Variants in CNTNAP5 observed in about 807,000 individuals in gnomAD.
The protein encoded by CNTNAP5 is contactin associated protein family member 5.
In CNTNAP5, 72 loss-of-function variants were observed where a neutral mutation model predicts 150.2. That is an observed-to-expected ratio of 0.48 (90% CI 0.40 to 0.58). The LOEUF (loss-of-function observed/expected upper bound fraction) is 0.58, where lower values mean the gene tolerates loss of function less well. CNTNAP5 is among the 20% of genes least tolerant of loss of function. The pLI is 0.00. For synonymous variants in CNTNAP5, 672 were observed against 619.8 expected (o/e 1.08, Z -1.25); for missense variants, 1,636 against 1,626.2 (o/e 1.01, Z -0.10).
At chr2:124,147,004 A>C (rs1167617890) in intron 1 of CNTNAP5, among the ~76,000 whole-genome samples, 1 of 152,160 alleles carries the variant, frequency 6.6e-6, no homozygotes, top group African/African-American at 2.4e-5. Context: ...AACAATAAAC[A>C]TACAAAGTAC....
At chr2:124,241,570 A>C (rs528050268) in intron 2 of CNTNAP5, among the ~76,000 whole-genome samples, 5 of 152,168 alleles carry the variant, frequency 3.3e-5, no homozygotes, top group African/African-American at 9.6e-5. Context: ...CTTTCACATC[A>C]CATGTTTTTG....
rs1694344260 is a variant in CNTNAP5, at chr2:124,504,206, G to A, written c.1063-86G>A. The A allele has an allele frequency of 2.2e-6, 3 of 1,334,788 alleles. No individual in the cohort carries two copies. In the South Asian group the frequency reaches 4.0e-5, roughly 18 times the overall value. The allele number at this position is 1,334,788 out of a possible 1,614,324, so 82.7% of individuals were successfully genotyped here. On this transcript the variant is annotated intron_variant, in intron 7 of 23. Transcript: ENST00000682447. ...AATGTGGAATGATCCTGAAATTAAG[G>A]TCAGCTCCAGGTGGTTGTTTATATC...
chr2:124,082,322 C>T (rs1359897971), intron 1 of CNTNAP5, among the ~76,000 whole-genome samples: 1 of 134,276 alleles, frequency 7.4e-6, no homozygotes, highest in African/African-American at 2.8e-5. Flanking sequence ...GCACTCTAGC[C>T]TGGGCAACAG....
At chr2:124,410,513 G>A (rs1289700840) in intron 3 of CNTNAP5, among the ~76,000 whole-genome samples, 1 of 142,786 alleles carries the variant, frequency 7.0e-6, no homozygotes, top group Admixed American at 7.1e-5. Context: ...AAAGAACAGA[G>A]ATTATAACAA....
chr2:124,721,944 T>C (rs920654527), intron 13 of CNTNAP5, among the ~76,000 whole-genome samples: 1 of 152,088 alleles, frequency 6.6e-6, no homozygotes, highest in African/African-American at 2.4e-5. Context: ...GCCTTCCTGC[T>C]GAGCCCTCAC....
chr2:124,604,506 C>T (rs776720433), intron 11 of CNTNAP5, among the ~76,000 whole-genome samples: 6 of 152,144 alleles, frequency 3.9e-5, no homozygotes, highest in Admixed American at 6.5e-5. Flanking sequence ...TTCAGCATTT[C>T]GAAACTGATG....
chr2:124,117,352 C>A (rs1370018706), intron 1 of CNTNAP5, among the ~76,000 whole-genome samples: 1 of 152,146 alleles, frequency 6.6e-6, no homozygotes, highest in Non-Finnish European at 1.5e-5. Context: ...TCTCACTTAG[C>A]ACAATACAAA....
At chr2:124,572,416 G>A (rs1291538083) in intron 11 of CNTNAP5, among the ~76,000 whole-genome samples, 1 of 152,054 alleles carries the variant, frequency 6.6e-6, no homozygotes, top group East Asian at 1.9e-4. Flanking sequence ...CCCATGACAC[G>A]TGTTTACCTA....
In CNTNAP5 at chr2:124,918,791, A is replaced by C. The variant is rs1678818557; in HGVS notation, c.*4503A>C. The stretch of plus-strand genomic sequence containing the variant: ...TTATCCTACAGGTCATGTATCGACT[A>C]AATAAATAAACTGACTTCATTGTTT... On this transcript the variant is annotated 3_prime_UTR_variant, in exon 24 of 24. Transcript: ENST00000682447. Among the ~76,000 whole-genome samples the C allele has an allele frequency of 2.6e-5, 4 of 152,244 alleles. No individual in the cohort carries two copies. In the South Asian group the frequency reaches 8.3e-4, roughly 32 times the overall value.
At chr2:124,713,753 G>A in intron 13 of CNTNAP5, among the ~76,000 whole-genome samples, 1 of 152,000 alleles carries the variant, frequency 6.6e-6, no homozygotes, top group Admixed American at 6.6e-5. Context: ...CTACCAGAAG[G>A]TCCATTCCAA....
chr2:124,540,326 G>A (rs1242407408), intron 10 of CNTNAP5, among the ~76,000 whole-genome samples: 7 of 152,138 alleles, frequency 4.6e-5, no homozygotes, highest in Non-Finnish European at 8.8e-5. Context: ...ATTGAGAATT[G>A]TAAAACCCTA....
intron 13 of CNTNAP5, among the ~76,000 whole-genome samples, chr2:124,746,018 A>G (rs1680595869): frequency 6.6e-6 from 1 of 152,212 alleles, no homozygotes; most frequent in Admixed American, 6.5e-5. Flanking sequence ...TGTAAACTAG[A>G]ATCTTGATTA....
rs567469342 is a variant in CNTNAP5, at chr2:124,150,057, C to G, written c.83-71648C>G. 3.3e-5 allele frequency among the ~76,000 whole-genome samples: 5 copies of G among 152,260 alleles called. No individual in the cohort carries two copies. In the South Asian group the frequency reaches 1.0e-3, roughly 32 times the overall value. Reference sequence around the variant, plus strand: ...GGAACAATGGTGAAGTGGGAAAGCCCTTAATTCTGTACTCTTTAAAAACTA... The same window carrying G: ...GGAACAATGGTGAAGTGGGAAAGCCGTTAATTCTGTACTCTTTAAAAACTA... On this transcript the variant is annotated intron_variant, in intron 1 of 23. Transcript: ENST00000682447.
intron 1 of CNTNAP5, among the ~76,000 whole-genome samples, chr2:124,219,676 A>G (rs1371270522): frequency 6.6e-6 from 1 of 152,182 alleles, no homozygotes; most frequent in Admixed American, 6.6e-5. Context: ...ATGACAAAAC[A>G]GGCATACGTA....
intron 21 of CNTNAP5, among the ~76,000 whole-genome samples, chr2:124,884,548 C>G (rs1287512095): frequency 1.3e-5 from 2 of 151,994 alleles, no homozygotes; most frequent in Non-Finnish European, 2.9e-5. Flanking sequence ...TGCCTTGGAG[C>G]CACCCTGAAG....
intron 12 of CNTNAP5, among the ~76,000 whole-genome samples, chr2:124,646,986 A>G (rs192676443): frequency 6.6e-6 from 1 of 152,074 alleles, no homozygotes; most frequent in African/African-American, 2.4e-5. Context: ...AAAAATAAAA[A>G]TTTTTTTAAT....
At chr2:124,412,558 C>A (rs1691799715) in intron 3 of CNTNAP5, among the ~76,000 whole-genome samples, 1 of 151,510 alleles carries the variant, frequency 6.6e-6, no homozygotes, top group Non-Finnish European at 1.5e-5. Context: ...CAGAGCAGAG[C>A]CCTCAGAAAT....
At chr2:124,784,045 C>T (rs1277005136) in intron 17 of CNTNAP5, among the ~76,000 whole-genome samples, 1 of 152,108 alleles carries the variant, frequency 6.6e-6, no homozygotes, top group Non-Finnish European at 1.5e-5. Context: ...AACCTTCTGC[C>T]ACTTTAGTCA....
At chr2:124,429,220 G>C (rs538905980) in intron 4 of CNTNAP5, among the ~76,000 whole-genome samples, 1 of 152,210 alleles carries the variant, frequency 6.6e-6, no homozygotes, top group East Asian at 1.9e-4. Flanking sequence ...TGGGAGTGCT[G>C]AGTATTCTTC....
Sources: gnomAD v4.1 joint callset for allele counts (sites outside exome capture counted in the v4.1 genomes callset) on GRCh38, gnomAD v4.1.1 for gene constraint, MANE v1.5 for transcripts, NCBI Gene and HGNC (gene_info 2026-07-23, HGNC 2026-07-21) for gene names.